ATP2B3: variants seen among roughly 807,000 people sequenced by gnomAD.
The protein encoded by ATP2B3 is plasma membrane calcium-transporting ATPase 3.
Under a neutral mutation model 70.8 loss-of-function variants are expected in ATP2B3, and 12 were observed. That is an observed-to-expected ratio of 0.17 (90% confidence interval 0.11 to 0.27). ATP2B3 has a LOEUF of 0.27. Among genes scored for constraint, ATP2B3 ranks in the 10% least tolerant of loss-of-function variants. The probability of loss-of-function intolerance (pLI) is 1.00; values close to 1 mark genes in which losing one functional copy is unlikely to be tolerated. For missense variants in ATP2B3, 858 were observed against 1,118.5 expected (o/e 0.77, Z 3.32); for synonymous variants, 460 against 497.8 (o/e 0.92, Z 1.01).
chrX:153,549,704 A>G lies in ATP2B3; in HGVS notation c.1546A>G (p.Ile516Val), dbSNP rs148354266. ...GATCCTCGACCTCCTGGTCCATGCC[A>G]TCTCCATCAACAGTGCCTATACCAC... Reference protein sequence around the residue: ...PKILDLLVHAISINSAYTTKI... With the variant: ...PKILDLLVHAVSINSAYTTKI... Residue 516 changes from isoleucine (I) to valine (V), a missense_variant, in exon 11 of 22, where the codon ATC becomes GTC. Ile to Val is a conservative substitution (Grantham distance 29). Around this residue, in one of 5 missense-constraint regions of ATP2B3, gnomAD observed 242 missense variants for 281.3 expected, o/e 0.86. Coordinates refer to ENST00000263519, the MANE Select transcript of ATP2B3 (RefSeq NM_001001344.3). The G allele has an allele frequency of 3.1e-5, 38 of 1,210,772 alleles. No homozygotes were observed. In the African/African-American group the frequency reaches 6.4e-4, roughly 21 times the overall value.
intron 21 of ATP2B3, among the ~76,000 whole-genome samples, chrX:153,570,673 C>CT (rs1466945571): frequency 3.6e-5 from 4 of 111,375 alleles, no homozygotes; most frequent in African/African-American, 1.3e-4. Flanking sequence ...AAAGAGTAAA[C>CT]TTTCGCGCGT....
intron 21 of ATP2B3, among the ~76,000 whole-genome samples, chrX:153,567,668 G>A (rs1164220621): frequency 8.9e-6 from 1 of 112,333 alleles, no homozygotes; most frequent in African/African-American, 3.2e-5. Context: ...CCATCGGTCA[G>A]AGTCTTAGAG....
At chrX:153,545,465 GT>G (rs2090351088) in intron 7 of ATP2B3, among the ~76,000 whole-genome samples, 1 of 113,206 alleles carries the variant, frequency 8.8e-6, no homozygotes. Flanking sequence ...GAGGTCAGGA[GT>G]TGGAGACCAG....
chrX:153,534,694 A>T (rs2090164718), intron 2 of ATP2B3, among the ~76,000 whole-genome samples: 1 of 113,052 alleles, frequency 8.8e-6, no homozygotes, highest in South Asian at 3.6e-4. Context: ...GGGAGAGAGG[A>T]CGGCACAGGC....
intron 21 of ATP2B3, chrX:153,569,111 G>T (rs1232993959): frequency 3.3e-6 from 1 of 304,989 alleles, no homozygotes. Context: ...TTTCGAGGGG[G>T]CGCCCCCTGC....
chrX:153,558,530 C>T (rs782470590), intron 17 of ATP2B3, among the ~76,000 whole-genome samples: 13 of 112,555 alleles, frequency 1.2e-4, no homozygotes, highest in Non-Finnish European at 2.4e-4. Context: ...AGAAGATTGT[C>T]ATCATCTTAA....
chrX:153,518,459 T>C lies in ATP2B3; in HGVS notation c.-219T>C, dbSNP rs1218118604. Among the ~76,000 whole-genome samples, 4 of 113,150 alleles carry C rather than the reference T, an allele frequency of 3.5e-5. No homozygotes were observed. The highest frequency in any genetic ancestry group is 9.6e-5 in the African/African-American group (3 of 31,197). On this transcript the variant is annotated 5_prime_UTR_variant, in exon 2 of 22. Coordinates refer to ENST00000263519, the MANE Select transcript of ATP2B3 (RefSeq NM_001001344.3). ...ACGGCTGTCTCCCCCTCCTCGCCTG[T>C]GTGACCTTGGCCAGCCAGCTTTTCC...
intron 2 of ATP2B3, among the ~76,000 whole-genome samples, chrX:153,519,254 A>T (rs1355762127): frequency 2.7e-5 from 3 of 112,291 alleles, no homozygotes; most frequent in African/African-American, 6.5e-5. Flanking sequence ...TTCAGATGGG[A>T]TCATTGAGGC....
At position 153,571,536 on chromosome X, in the gene ATP2B3, T is replaced by TG. The variant is rs200114621; in HGVS notation, c.3342+6437dup. Reference sequence around the variant, plus strand: ...CTCTCCAGGTCCAGCCCAGCCTCTGTGGGGCCTGCTGTCTTTTCTCCCTCT... The same window carrying TG: ...CTCTCCAGGTCCAGCCCAGCCTCTGTGGGGGCCTGCTGTCTTTTCTCCCTCT... On this transcript the variant is annotated intron_variant, in intron 21 of 21. Transcript: ENST00000263519. Among the ~76,000 whole-genome samples the TG allele has an allele frequency of 7.8e-3, 871 of 111,867 alleles. 4 individuals carry two copies. Among genetic ancestry groups the TG allele is most frequent in the African/African-American group, 0.024 (734 of 30,666 alleles).
intron 10 of ATP2B3, 42 bp from the exon 11 acceptor site, chrX:153,549,455 A>G (rs781851827): frequency 1.7e-6 from 2 of 1,207,315 alleles, no homozygotes. Flanking sequence ...CTCCACCCCA[A>G]CAAGCACCTG....
chrX:153,519,659 C>T (rs1474419409), intron 2 of ATP2B3, among the ~76,000 whole-genome samples: 1 of 112,735 alleles, frequency 8.9e-6, no homozygotes, highest in Non-Finnish European at 1.9e-5. Context: ...ACTTGTGGTC[C>T]CCGGCCATTG....
intron 19 of ATP2B3, 124 bp downstream of exon 19, chrX:153,561,011 C>T (rs1472492923): frequency 1.3e-6 from 1 of 791,561 alleles, no homozygotes; most frequent in African/African-American, 2.1e-5. Context: ...GGAGCCCCAC[C>T]CCACCTGGCT....
intron 18 of ATP2B3, 36 bp downstream of exon 18, chrX:153,559,978 A>G (rs1557015596): frequency 8.6e-7 from 1 of 1,167,870 alleles, no homozygotes; most frequent in Non-Finnish European, 1.2e-6. Context: ...GGACTTCAGG[A>G]CACTGTTGCC....
At chrX:153,519,848 C>T (rs2089932180) in intron 2 of ATP2B3, among the ~76,000 whole-genome samples, 2 of 112,142 alleles carry the variant, frequency 1.8e-5, no homozygotes, top group Admixed American at 1.9e-4. Flanking sequence ...GGGGGCCTTG[C>T]ACAGGGCCAG....
At chrX:153,544,967 C>T (rs1224472880) in intron 7 of ATP2B3, among the ~76,000 whole-genome samples, 2 of 113,009 alleles carry the variant, frequency 1.8e-5, no homozygotes, top group Non-Finnish European at 3.8e-5. Context: ...CTGTGCTGTG[C>T]GGTCATCGCA....
chrX:153,526,112 C>T (rs1224047201), intron 2 of ATP2B3, among the ~76,000 whole-genome samples: 2 of 112,430 alleles, frequency 1.8e-5, no homozygotes, highest in Non-Finnish European at 3.8e-5. Flanking sequence ...GTTGGGGTCT[C>T]CCCTAAGGGA....
intron 8 of ATP2B3, 127 bp downstream of exon 8, chrX:153,546,256 G>A: frequency 1.2e-6 from 1 of 847,610 alleles, no homozygotes. Context: ...CCAGGTGAGT[G>A]GGCTGGCTGC....
At chrX:153,542,564 G>C in intron 6 of ATP2B3, 116 bp downstream of exon 6, 1 of 997,582 alleles carries the variant, frequency 1.0e-6, no homozygotes, top group Non-Finnish European at 1.3e-6. Flanking sequence ...GGGCCTTCCA[G>C]CATAACCTTC....
At chrX:153,569,968 G>A (rs953415179) in intron 21 of ATP2B3, 4 of 420,373 alleles carry the variant, frequency 9.5e-6, no homozygotes, top group South Asian at 4.6e-5. Flanking sequence ...TGGCACTTCC[G>A]GACCTCCCGT....
Sources: allele counts gnomAD v4.1 joint callset (sites outside exome capture counted in the v4.1 genomes callset), GRCh38; gene constraint gnomAD v4.1.1; regional missense constraint gnomAD v4.1.1; transcripts MANE v1.5; gene names NCBI Gene and HGNC (gene_info 2026-07-23, HGNC 2026-07-21).